The following KIFC3 variants were observed in gnomAD, a reference collection of about 807,000 sequenced individuals.
KIFC3 encodes kinesin-like protein KIFC3.
A neutral mutation model predicts 101.8 loss-of-function variants in KIFC3; 60 were observed. The observed-to-expected ratio is 0.59, with a 90% CI of 0.48 to 0.73. The LOEUF is 0.73. Ranked by LOEUF, KIFC3 falls within the 30% of genes least tolerant of loss-of-function variation. The probability of loss-of-function intolerance (pLI) is 0.00; values close to 1 mark genes in which losing one functional copy is unlikely to be tolerated. For synonymous variants in KIFC3, 476 were observed against 482.7 expected, an observed-to-expected ratio of 0.99 and a Z score of 0.18; for missense variants, 966 against 1,137.1, an observed-to-expected ratio of 0.85 and a Z score of 2.16.
Position 57,853,713 on chromosome 16 carries a change from C to A in KIFC3, c.108+9016G>T, listed in dbSNP as rs573117783. Among the ~76,000 whole-genome samples, 10 of 152,274 alleles carry A rather than the reference C, an allele frequency of 6.6e-5. No homozygotes were observed. In the South Asian group the frequency reaches 2.1e-3, roughly 32 times the overall value. ...ATGGCACAATCTCCGCTCACTGCAA[C>A]CTCCACCTCCCAGGTTCAAGCAATT... On this transcript the variant is annotated intron_variant, in intron 1 of 2. Transcript: ENST00000563028.
chr16:57,775,281 C>T, intron 3 of KIFC3: 1 of 1,261,872 alleles, frequency 7.9e-7, no homozygotes, highest in South Asian at 2.8e-5. Context: ...TCAGAGGTGT[C>T]AGACACTAGG....
intron 1 of KIFC3, among the ~76,000 whole-genome samples, chr16:57,847,262 G>GGAAT (rs2055947323): frequency 2.5e-5 from 2 of 79,622 alleles, no homozygotes; most frequent in African/African-American, 1.4e-4. Context: ...AAGGAAGGAA[G>GGAAT]GAAGGAAGGG....
chr16:57,761,248 G>A, intron 14 of KIFC3, 77 bp from the exon 15 acceptor site: 5 of 1,594,914 alleles, frequency 3.1e-6, no homozygotes, highest in Non-Finnish European at 4.3e-6. Context: ...AAGCACCCAT[G>A]AGGAGTGGCA....
chr16:57,774,714 G>A, intron 3 of KIFC3: 1 of 418,876 alleles, frequency 2.4e-6, no homozygotes, highest in South Asian at 5.9e-5. Context: ...TTAATGTATA[G>A]AAGGGTCTTG....
At chr16:57,823,419 G>A (rs1482005033) in intron 1 of KIFC3, among the ~76,000 whole-genome samples, 1 of 152,088 alleles carries the variant, frequency 6.6e-6, no homozygotes, top group Non-Finnish European at 1.5e-5. Context: ...TTCTCCTCAG[G>A]ACCTCCTGAG....
At chr16:57,821,103 C>T (rs1282093034) in intron 1 of KIFC3, among the ~76,000 whole-genome samples, 1 of 151,292 alleles carries the variant, frequency 6.6e-6, no homozygotes, top group Non-Finnish European at 1.5e-5. Context: ...TGCACTCCAG[C>T]CTGAGTGACA....
intron 3 of KIFC3, 122 bp from the exon 4 acceptor site, chr16:57,772,410 T>C (rs2051373296): frequency 1.3e-6 from 1 of 748,102 alleles, no homozygotes; most frequent in East Asian, 2.7e-5. Flanking sequence ...GCTGTGGCCT[T>C]AGGTTCCCCT....
At chr16:57,781,871 A>G (rs187028765) in intron 3 of KIFC3, 65 of 944,994 alleles carry the variant, frequency 6.9e-5, no homozygotes, top group African/African-American at 6.7e-4. Flanking sequence ...TGGTGGACCT[A>G]GGACCGGAAC....
At chr16:57,861,684 G>T (rs1028142504) in intron 1 of KIFC3, among the ~76,000 whole-genome samples, 15 of 152,156 alleles carry the variant, frequency 9.9e-5, no homozygotes, top group Admixed American at 3.3e-4. Context: ...TAGGCCAGGC[G>T]CGGTAGCTCA....
At chr16:57,760,533 G>A in intron 16 of KIFC3, 117 bp from the exon 17 acceptor site, 3 of 1,280,090 alleles carry the variant, frequency 2.3e-6, no homozygotes, top group South Asian at 2.7e-5. Flanking sequence ...TGAGGGATGG[G>A]GTGGGAGGGC....
rs113576961 is a variant in KIFC3, at chr16:57,818,345, T to C, written c.109-20063A>G. The stretch of plus-strand genomic sequence containing the variant: ...CCATTAATTAACGTATCCATGGTCA[T>C]ATAGCTAACAAGAGGAAGGTCTTTT... On this transcript the variant is annotated intron_variant, in intron 1 of 2. Coordinates refer to the KIFC3 transcript ENST00000563028. Among the ~76,000 whole-genome samples, 157 of 152,272 alleles carry C rather than the reference T, an allele frequency of 1.0e-3. No homozygotes were observed. In the Middle Eastern group the frequency reaches 0.031, roughly 30 times the overall value.
intron 1 of KIFC3, among the ~76,000 whole-genome samples, chr16:57,855,122 T>C (rs1596895735): frequency 1.8e-5 from 2 of 110,208 alleles, no homozygotes; most frequent in Admixed American, 9.2e-5. Flanking sequence ...TTTCTTTCTT[T>C]TTTTTTTTTT....
chr16:57,795,214 C>T (rs2054193248), intron 2 of KIFC3, 73 bp from the exon 3 acceptor site: 16 of 1,539,058 alleles, frequency 1.0e-5, no homozygotes, highest in Non-Finnish European at 1.3e-5. Flanking sequence ...GACCACTGGC[C>T]AGGGCCGCAG....
chr16:57,788,577 G>C, intron 3 of KIFC3: 1 of 1,288,452 alleles, frequency 7.8e-7, no homozygotes, highest in Non-Finnish European at 1.0e-6. Flanking sequence ...TGCTTTACCT[G>C]TATTCTCTAC....
chr16:57,807,176 CA>C (rs2149251574), upstream of KIFC3, among the ~76,000 whole-genome samples: 1 of 151,850 alleles, frequency 6.6e-6, no homozygotes, highest in South Asian at 2.1e-4. Context: ...AAGATCATGC[CA>C]CTGCACTCCA....
intron 16 of KIFC3, 103 bp from the exon 17 acceptor site, chr16:57,760,519 G>A: frequency 7.1e-7 from 1 of 1,403,954 alleles, no homozygotes; most frequent in Non-Finnish European, 9.8e-7. Context: ...TTCCTGGAGA[G>A]GCCTGAGGGA....
intron 1 of KIFC3, among the ~76,000 whole-genome samples, chr16:57,821,271 A>C (rs1237789470): frequency 6.6e-6 from 1 of 152,016 alleles, no homozygotes; most frequent in East Asian, 1.9e-4. Flanking sequence ...ATATTGGGAG[A>C]GCGAAGAGGG....
intron 1 of KIFC3, among the ~76,000 whole-genome samples, chr16:57,844,710 T>A (rs1178145616): frequency 1.3e-5 from 2 of 152,074 alleles, no homozygotes; most frequent in Non-Finnish European, 2.9e-5. Context: ...GGGCTGGAAC[T>A]ACAAACATGG....
Position 57,782,002 on chromosome 16 carries a change from C to T in KIFC3, c.316-9714G>A, listed in dbSNP as rs1185632743. The T allele has an allele frequency of 3.1e-5, 31 of 985,386 alleles. No homozygotes were observed. The Admixed American group carries it at 5.5e-4, about 18-fold the overall frequency. The allele number at this position is 985,386 out of a possible 1,614,324, so 61.0% of individuals were successfully genotyped here. A position where few individuals can be genotyped will look rare whatever the true frequency, so the allele number is the denominator to read the frequency against. On this transcript the variant is annotated intron_variant, in intron 3 of 19. Transcript: ENST00000445690. ...CCAGTGGTGGATAGGGCTGGAAACA[C>T]GGCACCATGGAAAACAAGGCAGAGT... is the stretch of plus-strand genomic sequence containing the variant.
Sources: gnomAD v4.1 joint callset for allele counts (sites outside exome capture counted in the v4.1 genomes callset) on GRCh38, gnomAD v4.1.1 for gene constraint, MANE v1.5 for transcripts, NCBI Gene and HGNC (gene_info 2026-07-23, HGNC 2026-07-21) for gene names.